The following FNDC3B variants were observed in gnomAD, a reference collection of about 807,000 sequenced individuals.
FNDC3B encodes the protein fibronectin type III domain containing 3B, also known as fibronectin type III domain-containing protein 3B.
FNDC3B carries 12 observed loss-of-function variants against 151.5 expected under a neutral mutation model. The ratio of observed to expected loss-of-function variants is 0.08; its 90% CI spans 0.05 to 0.13. FNDC3B has a LOEUF of 0.13. Among genes scored for constraint, FNDC3B ranks in the 10% least tolerant of loss-of-function variants. The pLI, the probability that FNDC3B is intolerant of heterozygous loss-of-function variation, is 1.00. For synonymous variants in FNDC3B, 528 were observed against 549.0 expected (o/e 0.96, Z 0.54); for missense variants, 1,214 against 1,505.3 (o/e 0.81, Z 3.20).
intron 4 of FNDC3B, among the ~76,000 whole-genome samples, chr3:172,246,783 A>G (rs1727799979): frequency 1.3e-5 from 2 of 152,210 alleles, no homozygotes; most frequent in African/African-American, 4.8e-5. Context: ...TGAACAAAGA[A>G]TTGGAAAAAG....
intron 19 of FNDC3B, among the ~76,000 whole-genome samples, chr3:172,344,674 A>G (rs1308323211): frequency 6.6e-6 from 1 of 152,224 alleles, no homozygotes; most frequent in East Asian, 1.9e-4. Context: ...CAACTAGAGA[A>G]GGGTAGTGGC....
intron 3 of FNDC3B, among the ~76,000 whole-genome samples, chr3:172,213,228 A>T (rs1283638553): frequency 6.6e-6 from 1 of 152,060 alleles, no homozygotes; most frequent in Non-Finnish European, 1.5e-5. Context: ...TGGCCAGAAA[A>T]TTTTTACTCA....
chr3:172,043,728 T>C (rs1041186064), intron 1 of FNDC3B, among the ~76,000 whole-genome samples: 1 of 152,220 alleles, frequency 6.6e-6, no homozygotes, highest in African/African-American at 2.4e-5. Context: ...TTGTTAACTC[T>C]TTGGTTTTAA....
chr3:172,192,651 G>A (rs1724588129), intron 3 of FNDC3B, among the ~76,000 whole-genome samples: 1 of 151,892 alleles, frequency 6.6e-6, no homozygotes, highest in South Asian at 2.1e-4. Flanking sequence ...TTTCTAGTGT[G>A]GTTCACTCAC....
intron 3 of FNDC3B, among the ~76,000 whole-genome samples, chr3:172,168,622 C>A (rs190195357): frequency 1.3e-5 from 2 of 152,090 alleles, no homozygotes; most frequent in East Asian, 3.9e-4. Context: ...CTCATCACTT[C>A]CTGTTATTTC....
chr3:172,145,275 T>C (rs1721844582), intron 3 of FNDC3B, among the ~76,000 whole-genome samples: 1 of 151,990 alleles, frequency 6.6e-6, no homozygotes, highest in South Asian at 2.1e-4. Context: ...AGGAGGGAGG[T>C]GTAGCATCAA....
intron 4 of FNDC3B, among the ~76,000 whole-genome samples, chr3:172,228,447 T>G (rs1726705301): frequency 6.6e-6 from 1 of 152,216 alleles, no homozygotes; most frequent in African/African-American, 2.4e-5. Flanking sequence ...ATTGAACATT[T>G]CTAACGGAGA....
At chr3:172,092,116 A>G (rs1238519008) in intron 1 of FNDC3B, among the ~76,000 whole-genome samples, 1 of 152,132 alleles carries the variant, frequency 6.6e-6, no homozygotes, top group African/African-American at 2.4e-5. Flanking sequence ...AGTGTTTATG[A>G]TAGTGGTTGA....
At chr3:172,212,590 AGCT>A (rs1560020887) in intron 3 of FNDC3B, among the ~76,000 whole-genome samples, 2 of 152,226 alleles carry the variant, frequency 1.3e-5, no homozygotes, top group African/African-American at 4.8e-5. Flanking sequence ...AGAAATTGTC[AGCT>A]AACACCTGTT....
intron 4 of FNDC3B, among the ~76,000 whole-genome samples, chr3:172,245,780 A>G (rs1390028375): frequency 1.3e-5 from 2 of 152,220 alleles, no homozygotes; most frequent in Non-Finnish European, 2.9e-5. Context: ...AGAAGAGATT[A>G]TATTTATTAA....
intron 1 of FNDC3B, among the ~76,000 whole-genome samples, chr3:172,102,135 T>C (rs1719404968): frequency 6.6e-6 from 1 of 152,236 alleles, no homozygotes; most frequent in South Asian, 2.1e-4. Flanking sequence ...GATTCTTAGA[T>C]GTTACAATTA....
At chr3:172,273,423 C>T (rs1365208185) in intron 6 of FNDC3B, among the ~76,000 whole-genome samples, 1 of 152,210 alleles carries the variant, frequency 6.6e-6, no homozygotes, top group African/African-American at 2.4e-5. Flanking sequence ...ATCACAGGCT[C>T]CCTGCTCCCT....
chr3:172,394,710 G>A (rs946782263), intron 25 of FNDC3B, among the ~76,000 whole-genome samples: 2 of 152,036 alleles, frequency 1.3e-5, no homozygotes, highest in Non-Finnish European at 2.9e-5. Flanking sequence ...AAATGAGGAG[G>A]GAATACTTCC....
chr3:172,396,657 G>A (rs925018813), intron 25 of FNDC3B, among the ~76,000 whole-genome samples: 4 of 152,180 alleles, frequency 2.6e-5, no homozygotes, highest in African/African-American at 9.7e-5. Flanking sequence ...AGATCAGTAA[G>A]GCATTAGATT....
At position 172,040,095 on chromosome 3, in the gene FNDC3B, G is replaced by C. The variant is rs563980735; in HGVS notation, c.-29+324G>C. Among the ~76,000 whole-genome samples the C allele has an allele frequency of 1.5e-4, 23 of 152,288 alleles. No individual in the cohort carries two copies. The highest frequency in any genetic ancestry group is 5.5e-4 in the African/African-American group (23 of 41,572). On this transcript the variant is annotated intron_variant, in intron 1 of 25. Transcript: ENST00000415807. This position sits in a 1 kb window ranked among gnomAD's most constrained non-coding sequence, Gnocchi z 6.6. ...TCCTCTTAAAAAAAATTGGGCAGTG[G>C]CTCGCGGCCTCCCCCCACCCCCAGC...
At chr3:172,390,843 T>A (rs546903417) in intron 25 of FNDC3B, among the ~76,000 whole-genome samples, 1 of 152,278 alleles carries the variant, frequency 6.6e-6, no homozygotes, top group South Asian at 2.1e-4. Context: ...AGGGAACTGC[T>A]TTCAATAACA....
At chr3:172,351,765 T>C (rs1171706383) in intron 21 of FNDC3B, among the ~76,000 whole-genome samples, 1 of 151,982 alleles carries the variant, frequency 6.6e-6, no homozygotes, top group East Asian at 1.9e-4. Context: ...GGAAGAAAGG[T>C]GTCCAGAGAT....
intron 1 of FNDC3B, among the ~76,000 whole-genome samples, chr3:172,051,822 A>G (rs1270485456): frequency 2.0e-5 from 3 of 152,166 alleles, no homozygotes; most frequent in South Asian, 4.1e-4. Context: ...ATTCATTGCT[A>G]TTTTAAAGAA....
chr3:172,247,687 C>T lies in FNDC3B; in HGVS notation c.419C>T (p.Ala140Val). Residue 140 changes from alanine (A) to valine (V), a missense_variant, in exon 5 of 26, where the codon GCT becomes GTT. Physicochemically the swap from Ala to Val is moderately conservative, Grantham distance 64. Around this residue, in one of 7 missense-constraint regions of FNDC3B, gnomAD observed 166 missense variants for 173.2 expected, o/e 0.96. Transcript: ENST00000415807. ...CATTTTATTCATAACTCACACACGGCTTACTACCCACCTGTTACCGGACCT... is the reference window on the plus strand; with the variant it reads ...CATTTTATTCATAACTCACACACGGTTTACTACCCACCTGTTACCGGACCT... The part of the protein sequence containing the change: ...HPHFIHNSHT[A>V]YYPPVTGPGD... 2 of 1,614,114 alleles carry T rather than the reference C, an allele frequency of 1.2e-6. No individual in the cohort carries two copies. Among genetic ancestry groups the T allele is most frequent in the Non-Finnish European group, 1.7e-6 (2 of 1,179,994 alleles).
Sources: gnomAD v4.1 joint callset for allele counts (sites outside exome capture counted in the v4.1 genomes callset) on GRCh38, gnomAD v4.1.1 for gene constraint, gnomAD v4.1.1 regional missense constraint, Gnocchi (gnomAD v3.1) non-coding constraint, MANE v1.5 for transcripts, NCBI Gene and HGNC (gene_info 2026-07-23, HGNC 2026-07-21) for gene names.